The following PDE11A variants were observed in gnomAD, a reference collection of about 807,000 sequenced individuals.
PDE11A encodes the protein phosphodiesterase 11A.
PDE11A carries 100 observed loss-of-function variants against 100.5 expected under a neutral mutation model. That is an observed-to-expected ratio of 1.00 (90% CI 0.85 to 1.18). The LOEUF (loss-of-function observed/expected upper bound fraction) is 1.18, where lower values mean the gene tolerates loss of function less well. Among genes scored for constraint, PDE11A ranks in the 50% most tolerant of loss-of-function variants. PDE11A has a pLI of 0.00. For missense variants in PDE11A, 1,141 were observed against 1,152.6 expected (o/e 0.99, Z 0.15); for synonymous variants, 381 against 420.8 (o/e 0.91, Z 1.16).
At chr2:177,661,224 A>C (rs1005283465) in intron 19 of PDE11A, among the ~76,000 whole-genome samples, 1 of 152,236 alleles carries the variant, frequency 6.6e-6, no homozygotes, top group Non-Finnish European at 1.5e-5. Flanking sequence ...GGTAAAGCAA[A>C]GCTGAATTCT....
At chr2:177,900,220 A>G (rs2084676073) in intron 3 of PDE11A, among the ~76,000 whole-genome samples, 1 of 152,228 alleles carries the variant, frequency 6.6e-6, no homozygotes, top group Non-Finnish European at 1.5e-5. Flanking sequence ...AGCAATCAGA[A>G]AATTACATAG....
At chr2:178,076,996 G>GTC (rs56174470), upstream of PDE11A, among the ~76,000 whole-genome samples, 152,338 of 152,340 alleles carry the variant, frequency 1, 76,168 homozygotes, top group Middle Eastern at 1. Flanking sequence ...AGGATAACCT[G>GTC]CTTCCTTACA....
intron 1 of PDE11A, among the ~76,000 whole-genome samples, chr2:178,068,790 A>T (rs928063849): frequency 6.6e-6 from 1 of 152,164 alleles, no homozygotes; most frequent in Non-Finnish European, 1.5e-5. Context: ...AGGATGCAAC[A>T]TCCTTCCCTA....
rs57211363 is a variant in PDE11A at position 177,713,987 on chromosome 2, C to CTTTTTTTTTTTTTTTTTTTT, written c.2044-2129_2044-2110dup. On this transcript the variant is annotated intron_variant, in intron 12 of 19. Transcript: ENST00000286063. ...TCCCACCATATTTCTTTTCTTTTTT[C>CTTTTTTTTTTTTTTTTTTTT]TTTTTTTTTTTTTTTTTTTTTTTTG... 1.2e-3 allele frequency among the ~76,000 whole-genome samples: 96 copies of CTTTTTTTTTTTTTTTTTTTT among 77,412 alleles called. 3 individuals are homozygous for CTTTTTTTTTTTTTTTTTTTT. The highest frequency in any genetic ancestry group is 1.5e-3 in the Non-Finnish European group (68 of 45,650). The allele number at this position is 77,412 out of a possible 152,430, so 50.8% of individuals were successfully genotyped here.
At chr2:177,828,726 C>G (rs928437963) in intron 6 of PDE11A, among the ~76,000 whole-genome samples, 3 of 152,084 alleles carry the variant, frequency 2.0e-5, no homozygotes, top group Non-Finnish European at 4.4e-5. Flanking sequence ...AACAAGGAGA[C>G]TAGTGTGGCT....
At chr2:177,786,658 T>C (rs1440451197) in intron 9 of PDE11A, among the ~76,000 whole-genome samples, 1 of 151,986 alleles carries the variant, frequency 6.6e-6, no homozygotes, top group Non-Finnish European at 1.5e-5. Context: ...TAGACTAATG[T>C]ATAACTAGAA....
rs1342533522 is a variant in PDE11A, at chr2:178,071,890, G to A, written c.548C>T (p.Pro183Leu). 32 of 1,613,640 alleles carry A rather than the reference G, an allele frequency of 2.0e-5. 1 individual carries two copies. The South Asian group carries it at 3.0e-4, about 15-fold the overall frequency. ...SALLESRVNL[P>L]RYPPTAIDYK... ...GTCGATGGCTGTAGGGGGATACCGA[G>A]GCAGATTCACTCTCGATTCCAGCAG... Residue 183 changes from proline to leucine, a missense_variant, in exon 1 of 20, where the codon CCT (proline) becomes CTT (leucine). Physicochemically the swap from Pro to Leu is moderately conservative, Grantham distance 98. Transcript: ENST00000286063.
chr2:177,668,947 G>C (rs2080631969), intron 18 of PDE11A, among the ~76,000 whole-genome samples: 1 of 152,134 alleles, frequency 6.6e-6, no homozygotes, highest in Non-Finnish European at 1.5e-5. Context: ...GCATCATCTT[G>C]AGCGTAAAGT....
At chr2:177,712,524 C>A (rs1328053019) in intron 12 of PDE11A, among the ~76,000 whole-genome samples, 1 of 152,152 alleles carries the variant, frequency 6.6e-6, no homozygotes, top group Non-Finnish European at 1.5e-5. Context: ...AGAGGATTGT[C>A]AACCCAGACT....
intron 1 of PDE11A, among the ~76,000 whole-genome samples, chr2:178,058,144 C>G (rs1015264079): frequency 2.6e-5 from 4 of 152,162 alleles, no homozygotes; most frequent in African/African-American, 9.7e-5. Context: ...GCGTGAGCCA[C>G]TGCGCCTGGC....
intron 1 of PDE11A, chr2:178,105,660 G>T: frequency 1.5e-6 from 1 of 673,382 alleles, no homozygotes; most frequent in Non-Finnish European, 2.3e-6. Flanking sequence ...GGTTCTCCAT[G>T]GTGGTACAGG....
At chr2:177,686,389 G>A (rs2080950025) in intron 15 of PDE11A, among the ~76,000 whole-genome samples, 1 of 152,016 alleles carries the variant, frequency 6.6e-6, no homozygotes, top group Non-Finnish European at 1.5e-5. Context: ...CAACAAAGTG[G>A]GATTCCGTCT....
At chr2:177,726,164 C>T (rs760635192) in intron 12 of PDE11A, among the ~76,000 whole-genome samples, 2 of 151,998 alleles carry the variant, frequency 1.3e-5, no homozygotes, top group Non-Finnish European at 2.9e-5. Flanking sequence ...CACTTGATGG[C>T]TCACTCCTCT....
At chr2:178,095,235 C>T (rs1307888133) in intron 2 of PDE11A, among the ~76,000 whole-genome samples, 1 of 152,144 alleles carries the variant, frequency 6.6e-6, no homozygotes, top group Admixed American at 6.5e-5. Flanking sequence ...TATTTACTTC[C>T]TAGATATAAT....
intron 9 of PDE11A, among the ~76,000 whole-genome samples, chr2:177,780,846 T>C (rs929943331): frequency 6.6e-6 from 1 of 152,234 alleles, no homozygotes; most frequent in African/African-American, 2.4e-5. Flanking sequence ...GAGAATGTTG[T>C]GGCTCATTTG....
At chr2:177,883,410 T>C (rs954245319) in intron 4 of PDE11A, among the ~76,000 whole-genome samples, 2 of 152,250 alleles carry the variant, frequency 1.3e-5, no homozygotes, top group Admixed American at 6.5e-5. Context: ...CAAGCACTGC[T>C]ATAGGCTCTA....
At chr2:177,795,154 G>A (rs912204372) in intron 9 of PDE11A, among the ~76,000 whole-genome samples, 3 of 152,146 alleles carry the variant, frequency 2.0e-5, no homozygotes, top group African/African-American at 4.8e-5. Flanking sequence ...ATTTAATCAC[G>A]GAAGTTGAAT....
At chr2:177,719,995 A>C (rs1319960138) in intron 12 of PDE11A, among the ~76,000 whole-genome samples, 1 of 151,954 alleles carries the variant, frequency 6.6e-6, no homozygotes, top group East Asian at 1.9e-4. Context: ...ATGGTTCTAT[A>C]AGAAGGGTGC....
intron 9 of PDE11A, among the ~76,000 whole-genome samples, chr2:177,812,624 A>G (rs2082965540): frequency 6.6e-6 from 1 of 152,104 alleles, no homozygotes; most frequent in Non-Finnish European, 1.5e-5. Flanking sequence ...GTCCCCTGAG[A>G]AAAGGGAGGT....
Sources: allele counts gnomAD v4.1 joint callset (sites outside exome capture counted in the v4.1 genomes callset), GRCh38; gene constraint gnomAD v4.1.1; transcripts MANE v1.5; gene names NCBI Gene and HGNC (gene_info 2026-07-23, HGNC 2026-07-21).